The following ARHGAP6 variants were observed in gnomAD, a reference collection of about 807,000 sequenced individuals.
ARHGAP6 encodes the protein rho GTPase-activating protein 6.
ARHGAP6 carries 16 observed loss-of-function variants against 55.7 expected under a neutral mutation model. The ratio of observed to expected loss-of-function variants is 0.29; its 90% CI spans 0.19 to 0.44. ARHGAP6 has a LOEUF of 0.44. ARHGAP6 is among the 20% of genes least tolerant of loss of function. The pLI, the probability that ARHGAP6 is intolerant of heterozygous loss-of-function variation, is 1.00. For synonymous variants in ARHGAP6, 382 were observed against 360.9 expected (o/e 1.06, Z -0.66); for missense variants, 698 against 808.9 (o/e 0.86, Z 1.66).
chrX:11,360,002 T>C (rs368800432), intron 1 of ARHGAP6, among the ~76,000 whole-genome samples: 5 of 111,536 alleles, frequency 4.5e-5, no homozygotes, highest in Non-Finnish European at 9.4e-5. Context: ...TCTGAAATTG[T>C]GGCAATAATC....
rs1372182483 is a variant in ARHGAP6, at chrX:11,557,326, C to G, written c.588+106915G>C. Reference sequence around the variant, plus strand: ...AGATTACTCATGATGAGAAAGATAGCAACCCCAATGCTGCAACAGAAATAA... The same window carrying G: ...AGATTACTCATGATGAGAAAGATAGGAACCCCAATGCTGCAACAGAAATAA... On this transcript the variant is annotated intron_variant, in intron 1 of 12. Coordinates refer to ENST00000337414, the MANE Select transcript of ARHGAP6 (RefSeq NM_013427.3). Among the ~76,000 whole-genome samples, 7 of 111,905 alleles carry G rather than the reference C, an allele frequency of 6.3e-5. No individual in the cohort carries two copies. The East Asian group carries it at 1.7e-3, about 27-fold the overall frequency.
chrX:11,181,296 TATC>T (rs2046311444), intron 6 of ARHGAP6, among the ~76,000 whole-genome samples: 1 of 112,374 alleles, frequency 8.9e-6, no homozygotes, highest in Admixed American at 9.4e-5. Flanking sequence ...TATGAACAAA[TATC>T]ATTTCTTCAG....
intron 1 of ARHGAP6, among the ~76,000 whole-genome samples, chrX:11,362,531 G>C: frequency 9.1e-6 from 1 of 109,692 alleles, no homozygotes; most frequent in East Asian, 2.9e-4. Flanking sequence ...GGGAGGGTTA[G>C]CATTAGGAGA....
rs1012977493 is a variant in ARHGAP6 at position 11,210,949 on chromosome X, G to T, written c.749-13953C>A. Among the ~76,000 whole-genome samples the T allele has an allele frequency of 8.0e-5, 9 of 111,912 alleles. No individual in the cohort carries two copies. In the East Asian group the frequency reaches 2.5e-3, roughly 31 times the overall value. On this transcript the variant is annotated intron_variant, in intron 2 of 12. Transcript: ENST00000337414. ...AATAGAACTATTAAGTTACACATTT[G>T]ATTAAAGGTATTTTAAAGTAGACTC...
chrX:11,638,723 C>T (rs904128763), intron 1 of ARHGAP6, among the ~76,000 whole-genome samples: 1 of 111,355 alleles, frequency 9.0e-6, no homozygotes, highest in Non-Finnish European at 1.9e-5. Context: ...TAGCCCAAGA[C>T]TATTAAATAC....
chrX:11,231,015 C>T (rs1364598969), intron 2 of ARHGAP6, among the ~76,000 whole-genome samples: 1 of 111,662 alleles, frequency 9.0e-6, no homozygotes, highest in Non-Finnish European at 1.9e-5. Context: ...ATTTTCCTCA[C>T]ATCTCTTGTG....
intron 1 of ARHGAP6, among the ~76,000 whole-genome samples, chrX:11,370,900 A>T (rs1260674072): frequency 9.0e-6 from 1 of 111,085 alleles, no homozygotes; most frequent in Non-Finnish European, 1.9e-5. Context: ...TACAAACAAC[A>T]ACAACAACAA....
intron 1 of ARHGAP6, among the ~76,000 whole-genome samples, chrX:11,437,335 C>T (rs181076122): frequency 1.3e-3 from 144 of 112,569 alleles, no homozygotes; most frequent in Middle Eastern, 9.2e-3. Context: ...ATGAGTAGTG[C>T]AAAGCTGGCT....
chrX:11,178,285 G>A lies in ARHGAP6; in HGVS notation c.1481-37C>T, dbSNP rs187490441. ...AAAAAGAGGTACTCAAATAAAAGGG[G>A]AGCCCATACTATTCAGGCACAGAGG... On this transcript the variant is annotated intron_variant, in intron 7 of 12. Coordinates refer to ENST00000337414, the MANE Select transcript of ARHGAP6 (RefSeq NM_013427.3). 5.5e-3 allele frequency: 6,461 copies of A among 1,165,014 alleles called. 9 individuals are homozygous for A. The highest frequency in any genetic ancestry group is 0.021 in the Middle Eastern group (83 of 3,967).
intron 1 of ARHGAP6, chrX:11,294,815 C>T (rs1382845702): frequency 1.7e-6 from 2 of 1,211,723 alleles, no homozygotes; most frequent in South Asian, 3.5e-5. Flanking sequence ...TATTTGCCTG[C>T]CTCCTGGGAG....
At chrX:11,629,712 C>T (rs1464710471) in intron 1 of ARHGAP6, among the ~76,000 whole-genome samples, 9 of 111,055 alleles carry the variant, frequency 8.1e-5, no homozygotes, top group Non-Finnish European at 1.3e-4. Flanking sequence ...CTCCCCAAGG[C>T]ACTGAGTGGC....
intron 1 of ARHGAP6, among the ~76,000 whole-genome samples, chrX:11,522,169 G>C (rs1281513990): frequency 9.0e-6 from 1 of 111,500 alleles, no homozygotes; most frequent in African/African-American, 3.3e-5. Context: ...CAGAAATAAA[G>C]ATGTTCTTTG....
chrX:11,434,242 C>A (rs1333155695), intron 1 of ARHGAP6, among the ~76,000 whole-genome samples: 2 of 111,998 alleles, frequency 1.8e-5, no homozygotes, highest in Admixed American at 9.4e-5. Context: ...ATAAGGAATT[C>A]ATCCTTTAAT....
At chrX:11,367,689 G>T in intron 1 of ARHGAP6, 1 of 396,298 alleles carries the variant, frequency 2.5e-6, no homozygotes, top group Non-Finnish European at 3.2e-6. Flanking sequence ...CATTGATGGG[G>T]CTAAGTTTCT....
At chrX:11,168,958 T>C (rs372920332) in intron 9 of ARHGAP6, among the ~76,000 whole-genome samples, 1 of 111,959 alleles carries the variant, frequency 8.9e-6, no homozygotes, top group Non-Finnish European at 1.9e-5. Context: ...TTGTTTTAAA[T>C]GCATTTATAC....
At chrX:11,610,512 G>A (rs978002551) in intron 1 of ARHGAP6, among the ~76,000 whole-genome samples, 3 of 111,588 alleles carry the variant, frequency 2.7e-5, no homozygotes, top group African/African-American at 6.5e-5. Flanking sequence ...TTCCTCCAGC[G>A]GTCATATGGA....
At chrX:11,596,150 T>C (rs181916372) in intron 1 of ARHGAP6, among the ~76,000 whole-genome samples, 5 of 111,978 alleles carry the variant, frequency 4.5e-5, no homozygotes. Context: ...CTATTCACAA[T>C]AGCAAAGACT....
chrX:11,520,178 T>TATATATATA (rs1491472649), intron 1 of ARHGAP6, among the ~76,000 whole-genome samples: 165 of 75,680 alleles, frequency 2.2e-3, no homozygotes, highest in Non-Finnish European at 2.9e-3. Flanking sequence ...TATATATATA[T>TATATATATA]TACTTTAAGT....
intron 1 of ARHGAP6, among the ~76,000 whole-genome samples, chrX:11,333,816 G>T (rs1476455100): frequency 8.9e-6 from 1 of 111,948 alleles, no homozygotes; most frequent in African/African-American, 3.2e-5. Flanking sequence ...GACAGAACTA[G>T]GTCTTCTCTC....
Sources: allele counts gnomAD v4.1 joint callset (sites outside exome capture counted in the v4.1 genomes callset), GRCh38; gene constraint gnomAD v4.1.1; transcripts MANE v1.5; gene names NCBI Gene and HGNC (gene_info 2026-07-23, HGNC 2026-07-21).